Variants in FARP1 observed in about 807,000 individuals in gnomAD.
FARP1 encodes FERM, ARHGEF and pleckstrin domain-containing protein 1.
Under a neutral mutation model 128.8 loss-of-function variants are expected in FARP1, and 52 were observed. The ratio of observed to expected loss-of-function variants is 0.40; its 90% CI spans 0.32 to 0.51. FARP1 has a LOEUF of 0.51. FARP1 is among the 20% of genes least tolerant of loss of function. FARP1 has a pLI of 0.45. For missense variants in FARP1, 1,333 were observed against 1,367.9 expected (o/e 0.97, Z 0.40); for synonymous variants, 580 against 551.8 (o/e 1.05, Z -0.72).
At chr13:98,258,578 G>A (rs1205618793) in intron 2 of FARP1, among the ~76,000 whole-genome samples, 2 of 152,132 alleles carry the variant, frequency 1.3e-5, no homozygotes, top group East Asian at 1.9e-4. Flanking sequence ...AATCAGTTGG[G>A]TGCTGTCACT....
At chr13:98,158,785 GT>G (rs1171354978) in intron 1 of FARP1, among the ~76,000 whole-genome samples, 1 of 152,130 alleles carries the variant, frequency 6.6e-6, no homozygotes, top group Non-Finnish European at 1.5e-5. Flanking sequence ...AAAAAATGGC[GT>G]GCTTCACTGT....
intron 2 of FARP1, among the ~76,000 whole-genome samples, chr13:98,341,957 C>G (rs1357764619): frequency 6.6e-6 from 1 of 152,196 alleles, no homozygotes; most frequent in Non-Finnish European, 1.5e-5. Flanking sequence ...ACCAAGTGGC[C>G]TGATACTAAC....
intron 26 of FARP1, 135 bp downstream of exon 26, chr13:98,446,952 A>G (rs1158233843): frequency 2.3e-5 from 20 of 868,384 alleles, no homozygotes; most frequent in Non-Finnish European, 3.4e-5. Context: ...CTGGGGTCCC[A>G]CTGCCCGACA....
intron 1 of FARP1, among the ~76,000 whole-genome samples, chr13:98,211,808 C>A (rs541923743): frequency 6.6e-6 from 1 of 152,240 alleles, no homozygotes; most frequent in Non-Finnish European, 1.5e-5. Flanking sequence ...ACTAAATATG[C>A]AGCCACATAT....
At chr13:98,219,784 T>TC (rs1050432682) in intron 2 of FARP1, among the ~76,000 whole-genome samples, 1 of 151,698 alleles carries the variant, frequency 6.6e-6, no homozygotes, top group African/African-American at 2.4e-5. Flanking sequence ...CCCACCACAG[T>TC]CCCCCCTAGT....
At chr13:98,413,283 G>A (rs1009973598) in intron 16 of FARP1, among the ~76,000 whole-genome samples, 4 of 152,184 alleles carry the variant, frequency 2.6e-5, no homozygotes, top group East Asian at 3.8e-4. Flanking sequence ...AGTCAGCCTC[G>A]CTGGAAATGG....
Position 98,144,464 on chromosome 13 carries a change from T to A in FARP1, c.-24+972T>A, listed in dbSNP as rs542015230. Among the ~76,000 whole-genome samples, 7 of 151,998 alleles carry A rather than the reference T, an allele frequency of 4.6e-5. No individual in the cohort carries two copies. In the South Asian group the frequency reaches 1.0e-3, roughly 23 times the overall value. On this transcript the variant is annotated intron_variant, in intron 1 of 26. Transcript: ENST00000319562. Reference sequence around the variant, plus strand: ...CCCTGTCTCTCCCAGCCCTGGGGAGTACCGGTGGCCTCTGGCCGTTTCATT... The same window carrying A: ...CCCTGTCTCTCCCAGCCCTGGGGAGAACCGGTGGCCTCTGGCCGTTTCATT...
At chr13:98,251,734 C>G (rs1392592620) in intron 2 of FARP1, among the ~76,000 whole-genome samples, 1 of 150,518 alleles carries the variant, frequency 6.6e-6, no homozygotes, top group Non-Finnish European at 1.5e-5. Context: ...GGAGGACAAA[C>G]AACTACCAAA....
At chr13:98,221,252 C>T (rs1260758862) in intron 2 of FARP1, among the ~76,000 whole-genome samples, 2 of 152,218 alleles carry the variant, frequency 1.3e-5, no homozygotes, top group Admixed American at 6.5e-5. Flanking sequence ...ACTTTAGTTT[C>T]CTTCTTGTTC....
chr13:98,443,569 C>A (rs936388093), intron 24 of FARP1, among the ~76,000 whole-genome samples: 1 of 152,236 alleles, frequency 6.6e-6, no homozygotes, highest in Non-Finnish European at 1.5e-5. Flanking sequence ...GTTCCCACTC[C>A]CGTCTGACTC....
intron 2 of FARP1, chr13:98,329,443 C>G (rs571429034): frequency 6.6e-6 from 1 of 152,360 alleles, no homozygotes; most frequent in African/African-American, 2.4e-5. Context: ...GGATGGATCA[C>G]TTGAGGTCAG....
intron 11 of FARP1, among the ~76,000 whole-genome samples, chr13:98,392,123 C>T (rs1189952237): frequency 3.3e-5 from 5 of 151,910 alleles, no homozygotes; most frequent in Non-Finnish European, 5.9e-5. Context: ...TCTCCCCTCC[C>T]CAGAGGCAGC....
intron 1 of FARP1, among the ~76,000 whole-genome samples, chr13:98,162,242 T>C (rs1226026253): frequency 6.6e-6 from 1 of 152,092 alleles, no homozygotes; most frequent in Non-Finnish European, 1.5e-5. Flanking sequence ...ACACCTAAAG[T>C]GAGATGAATC....
Position 98,395,342 on chromosome 13 carries a change from G to A in FARP1, c.1280G>A (p.Ser427Asn), listed in dbSNP as rs1890482513. 3 of 1,611,298 alleles carry A rather than the reference G, an allele frequency of 1.9e-6. No individual in the cohort carries two copies. Among genetic ancestry groups the A allele is most frequent in the African/African-American group, 1.3e-5 (1 of 74,936 alleles). ...VSAGEPGSHP[S>N]PAPRRSPAGN... ...GCCGGGGAGCCGGGGTCGCACCCGAGCCCTGCGCCGAGGAGAAGCCCCGCG... is the reference window on the plus strand; with the variant it reads ...GCCGGGGAGCCGGGGTCGCACCCGAACCCTGCGCCGAGGAGAAGCCCCGCG... Residue 427 changes from serine to asparagine, a missense_variant, in exon 13 of 27, where the codon AGC becomes AAC. This residue lies in a region of FARP1 where 1,009 missense variants were observed against 969.8 expected (regional missense o/e 1.04). Coordinates refer to ENST00000319562, the MANE Select transcript of FARP1 (RefSeq NM_005766.4).
At chr13:98,166,355 C>T (rs1263825704) in intron 1 of FARP1, among the ~76,000 whole-genome samples, 1 of 152,138 alleles carries the variant, frequency 6.6e-6, no homozygotes, top group Non-Finnish European at 1.5e-5. Flanking sequence ...GCCATATTGC[C>T]CTCCATGGCT....
intron 2 of FARP1, among the ~76,000 whole-genome samples, chr13:98,270,196 G>T (rs1884324810): frequency 6.6e-6 from 1 of 152,162 alleles, no homozygotes; most frequent in South Asian, 2.1e-4. Flanking sequence ...ATTTTCCAGT[G>T]GTGCTTTCTT....
rs1893302875 is a variant in FARP1 at position 98,453,558 on chromosome 13, G to A, written c.*5241G>A. 4.8e-6 allele frequency: 1 copy of A among 206,498 alleles called. No individual in the cohort carries two copies. The highest frequency in any genetic ancestry group is 5.7e-5 in the Admixed American group (1 of 17,446). 12.8% of individuals were successfully genotyped at this position (206,498 alleles called of 1,614,324 possible). A position where few individuals can be genotyped will look rare whatever the true frequency, so the allele number is the denominator to read the frequency against. ...GATGACACAGTAAGATTCCAGGGAT[G>A]CATATGCATTCCCGATGTGAGGGCA... On this transcript the variant is annotated 3_prime_UTR_variant, in exon 27 of 27. Coordinates refer to ENST00000319562, the MANE Select transcript of FARP1 (RefSeq NM_005766.4).
chr13:98,402,830 T>A (rs1246059549), intron 13 of FARP1: 1 of 152,228 alleles, frequency 6.6e-6, no homozygotes, highest in African/African-American at 2.4e-5. Flanking sequence ...GTATATTTAA[T>A]ACTGTAGATA....
intron 19 of FARP1, chr13:98,437,674 CTG>C (rs1671991646): frequency 3.0e-6 from 2 of 677,278 alleles, no homozygotes; most frequent in Admixed American, 2.2e-5. Flanking sequence ...GGTGAGTTAT[CTG>C]TGCAGGAGGG....
Sources: allele counts gnomAD v4.1 joint callset (sites outside exome capture counted in the v4.1 genomes callset), GRCh38; gene constraint gnomAD v4.1.1; regional missense constraint gnomAD v4.1.1; transcripts MANE v1.5; gene names NCBI Gene and HGNC (gene_info 2026-07-23, HGNC 2026-07-21).